Variants in UROC1 observed in about 807,000 individuals in gnomAD.
UROC1 encodes the protein urocanate hydratase.
In UROC1, 79 loss-of-function variants were observed where a neutral mutation model predicts 89.5. That is an observed-to-expected ratio of 0.88 (90% CI 0.74 to 1.06). The LOEUF is 1.06. Among genes scored for constraint, UROC1 ranks in the 50% least tolerant of loss-of-function variants. The pLI is 0.00. For synonymous variants in UROC1, 361 were observed against 354.8 expected, an observed-to-expected ratio of 1.02 and a Z score of -0.20; for missense variants, 885 against 907.8, an observed-to-expected ratio of 0.97 and a Z score of 0.32.
intron 16 of UROC1, 83 bp from the exon 17 acceptor site, chr3:126,489,458 C>T: frequency 9.3e-7 from 1 of 1,079,182 alleles, no homozygotes; most frequent in Non-Finnish European, 1.4e-6. Flanking sequence ...GGGCAGGTCA[C>T]ACCAGAACCC....
intron 8 of UROC1, 110 bp from the exon 9 acceptor site, chr3:126,504,193 T>C: frequency 1.8e-6 from 2 of 1,089,986 alleles, no homozygotes; most frequent in East Asian, 4.9e-5. Flanking sequence ...GGTCCCTTGC[T>C]TTTCTATAAC....
chr3:126,481,188 A>G lies in UROC1; in HGVS notation c.*1157T>C, dbSNP rs996104144. On this transcript the variant is annotated 3_prime_UTR_variant, in exon 20 of 20. Coordinates refer to ENST00000290868, the MANE Select transcript of UROC1 (RefSeq NM_144639.3). ...CGCTGGATCTGTCCATTTTATTAGAAAAACGACGGCTCTCAAGAAGCCCTG... is the reference window on the plus strand; with the variant it reads ...CGCTGGATCTGTCCATTTTATTAGAGAAACGACGGCTCTCAAGAAGCCCTG... 3.3e-5 allele frequency: 5 copies of G among 151,728 alleles called. No homozygotes were observed. The highest frequency in any genetic ancestry group is 7.4e-5 in the Non-Finnish European group (5 of 68,004). The allele number at this position is 151,728 out of a possible 1,614,324, so 9.4% of individuals were successfully genotyped here. A position where few individuals can be genotyped will look rare whatever the true frequency, so the allele number is the denominator to read the frequency against.
At chr3:126,487,462 C>CA (rs2107533549) in intron 18 of UROC1, among the ~76,000 whole-genome samples, 1 of 152,250 alleles carries the variant, frequency 6.6e-6, no homozygotes, top group East Asian at 1.9e-4. Flanking sequence ...CCTCCAAGGA[C>CA]ACGAGGCCAA....
In UROC1 at chr3:126,482,378, G is replaced by A. The variant is rs199712731; in HGVS notation, c.1998C>T (p.Asp666=). ...GCAGGGCCTGCTGGAGCACCCGCTCGTCCTCCACCTTGTGAGGCAGTGTCA... is the reference window on the plus strand; with the variant it reads ...GCAGGGCCTGCTGGAGCACCCGCTCATCCTCCACCTTGTGAGGCAGTGTCA... ...LVVTLPHKVE[D]ERVLQQALQL The change falls in exon 20 of 20, where the codon GAC becomes GAT. Residue 666 remains aspartate (D), a synonymous_variant. Transcript: ENST00000290868. 4.3e-4 allele frequency: 693 copies of A among 1,613,706 alleles called. No homozygotes were observed. The highest frequency in any genetic ancestry group is 5.1e-4 in the Non-Finnish European group (598 of 1,179,948).
chr3:126,506,045 C>T, intron 6 of UROC1, 34 bp from the exon 7 acceptor site: 2 of 1,612,842 alleles, frequency 1.2e-6, no homozygotes, highest in Non-Finnish European at 1.7e-6. Flanking sequence ...GCCCAGGGCT[C>T]AGCCAGTGCC....
chr3:126,502,009 G>A, intron 9 of UROC1: 2 of 1,478,542 alleles, frequency 1.4e-6, no homozygotes, highest in Non-Finnish European at 1.8e-6. Context: ...CTCGGGGGTT[G>A]CGGAAGTGTG....
At position 126,508,432 on chromosome 3, in the gene UROC1, A is replaced by G; in HGVS notation, c.395T>C (p.Phe132Ser). 1 of 1,613,988 alleles carries G rather than the reference A, an allele frequency of 6.2e-7. No individual in the cohort carries two copies. The highest frequency in any genetic ancestry group is 8.5e-7 in the Non-Finnish European group (1 of 1,179,966). Residue 132 changes from phenylalanine to serine, a missense_variant, in exon 4 of 20, where the codon TTC (phenylalanine) becomes TCC (serine). By Grantham distance (155) the Phe-to-Ser change is radical (BLOSUM62 -2). Transcript: ENST00000290868. Reference protein sequence around the residue: ...LVTYGGNGQVFSNWAQFWLTM... With the variant: ...LVTYGGNGQVSSNWAQFWLTM... ...GTGCAGTACCTGAGCCCAGTTGCTG[A>G]ACACCTGCCCATTTCCTCCATAGGT...
At chr3:126,499,242 T>C (rs150132875) in intron 13 of UROC1, 95 bp downstream of exon 13, 24,558 of 1,407,170 alleles carry the variant, frequency 0.017, 269 homozygotes, top group Non-Finnish European at 0.021. Context: ...GGTCAGAGGC[T>C]GAAGCTTCTC....
Position 126,483,459 on chromosome 3 carries a change from C to A in UROC1, c.1800G>T (p.Val600=). 1.2e-6 allele frequency: 2 copies of A among 1,613,856 alleles called. No homozygotes were observed. Among genetic ancestry groups the A allele is most frequent in the Non-Finnish European group, 1.7e-6 (2 of 1,180,028 alleles). ...GCACGAGGCCGAATCCCCCGTTGAT[C>A]ACCTCACCCCTGCAGGAGGCAGAGG... ...HNGGGVGWGE[V]INGGFGLVLD... Residue 600 remains valine (V), a synonymous_variant, in exon 19 of 20, where the codon GTG becomes GTT. Transcript: ENST00000290868.
intron 15 of UROC1, among the ~76,000 whole-genome samples, chr3:126,493,120 A>G (rs1050249114): frequency 6.6e-6 from 1 of 152,100 alleles, no homozygotes; most frequent in Non-Finnish European, 1.5e-5. Flanking sequence ...CCTGACAGTA[A>G]TGGGTGGTTG....
chr3:126,513,667 G>A (rs1242233462), intron 1 of UROC1, among the ~76,000 whole-genome samples: 2 of 152,182 alleles, frequency 1.3e-5, no homozygotes, highest in Admixed American at 6.5e-5. Flanking sequence ...GTGTGTGTGA[G>A]TGCCCAGCTG....
intron 13 of UROC1, 94 bp from the exon 14 acceptor site, chr3:126,498,266 C>G (rs967834938): frequency 6.2e-7 from 1 of 1,604,174 alleles, no homozygotes; most frequent in Non-Finnish European, 8.5e-7. Flanking sequence ...GCTCAGCATC[C>G]AGAAGTCAGG....
chr3:126,483,516 G>T, intron 18 of UROC1, 48 bp from the exon 19 acceptor site: 1 of 1,548,758 alleles, frequency 6.5e-7, no homozygotes. Context: ...GCCCAACACT[G>T]CACAGAGCAG....
intron 10 of UROC1, 145 bp from the exon 11 acceptor site, chr3:126,501,019 AAG>A (rs1364982813): frequency 7.4e-7 from 1 of 1,353,798 alleles, no homozygotes; most frequent in Non-Finnish European, 1.0e-6. Context: ...TCCCCCTGGA[AAG>A]AGAACCTACG....
intron 19 of UROC1, among the ~76,000 whole-genome samples, chr3:126,482,955 G>A (rs1576706800): frequency 6.6e-6 from 1 of 151,954 alleles, no homozygotes; most frequent in Admixed American, 6.6e-5. Context: ...GCCACAGCCG[G>A]GGCATCTCCT....
At chr3:126,486,708 A>G (rs1400643878) in intron 18 of UROC1, among the ~76,000 whole-genome samples, 2 of 152,250 alleles carry the variant, frequency 1.3e-5, no homozygotes, top group African/African-American at 2.4e-5. Context: ...ATCAATGCGC[A>G]GGAAAGAGAA....
At position 126,504,086 on chromosome 3, in the gene UROC1, G is replaced by C; in HGVS notation, c.814-3C>G. On this transcript the variant is annotated splice_region_variant and splice_polypyrimidine_tract_variant and intron_variant, in intron 8 of 19. Transcript: ENST00000290868. The stretch of plus-strand genomic sequence containing the variant: ...TTCTCAAGGGCTGCTTTATCCACCT[G>C]GGGCCATGAGACATGGGGCCACGAG... 6.2e-7 allele frequency: 1 copy of C among 1,613,972 alleles called. No individual in the cohort carries two copies. The highest frequency in any genetic ancestry group is 8.5e-7 in the Non-Finnish European group (1 of 1,179,988).
In UROC1 at chr3:126,510,772, C is replaced by A. The variant is rs749388303; in HGVS notation, c.149G>T (p.Arg50Leu). 6.2e-7 allele frequency: 1 copy of A among 1,613,814 alleles called. No homozygotes were observed. The highest frequency in any genetic ancestry group is 8.5e-7 in the Non-Finnish European group (1 of 1,180,024). ...CTCCTGGACATCCGGGGGGAAGTAG[C>A]GCAGGGCGTTCCTCAGCGCCAGCTG... is the stretch of plus-strand genomic sequence containing the variant. ...EKQLALRNAL[R>L]YFPPDVQELL... The change falls in exon 2 of 20, where the codon CGC becomes CTC. Residue 50 changes from arginine to leucine, a missense_variant. Transcript: ENST00000290868.
rs1018755098 is a variant in UROC1, at chr3:126,508,336, G to A, written c.411+80C>T. On this transcript the variant is annotated intron_variant, in intron 4 of 19. Coordinates refer to ENST00000290868, the MANE Select transcript of UROC1 (RefSeq NM_144639.3). ...GGCAGAGGCCTGCATCCTGAGCTGTGGGTTTGTAAGCTCCTAGGCCAGAGG... is the reference window on the plus strand; with the variant it reads ...GGCAGAGGCCTGCATCCTGAGCTGTAGGTTTGTAAGCTCCTAGGCCAGAGG... 8 of 1,474,184 alleles carry A rather than the reference G, an allele frequency of 5.4e-6. No individual in the cohort carries two copies. In the African/African-American group the frequency reaches 8.3e-5, roughly 15 times the overall value. The allele number at this position is 1,474,184 out of a possible 1,614,324, so 91.3% of individuals were successfully genotyped here.
Sources: gnomAD v4.1 joint callset for allele counts (sites outside exome capture counted in the v4.1 genomes callset) on GRCh38, gnomAD v4.1.1 for gene constraint, MANE v1.5 for transcripts, NCBI Gene and HGNC (gene_info 2026-07-23, HGNC 2026-07-21) for gene names.